RSRP1: variants seen among roughly 807,000 people sequenced by gnomAD.
RSRP1 encodes arginine/serine-rich protein 1.
A neutral mutation model predicts 33.0 loss-of-function variants in RSRP1; 37 were observed. The ratio of observed to expected loss-of-function variants is 1.12; its 90% CI spans 0.86 to 1.48. RSRP1 has a LOEUF of 1.48. Ranked by LOEUF, RSRP1 falls within the 40% of genes most tolerant of loss-of-function variation. RSRP1 has a pLI of 0.00. For synonymous variants in RSRP1, 167 were observed against 158.7 expected, an observed-to-expected ratio of 1.05 and a Z score of -0.40; for missense variants, 402 against 385.3, an observed-to-expected ratio of 1.04 and a Z score of -0.36.
At chr1:25,321,795 A>C in intron 1 of RSRP1, 1 of 657,260 alleles carries the variant, frequency 1.5e-6, no homozygotes, top group Non-Finnish European at 2.8e-6. Flanking sequence ...TTCTGTTGAG[A>C]TACTGTCGTT....
At chr1:25,290,324 C>T (rs1218301066) in intron 1 of RSRP1, among the ~76,000 whole-genome samples, 2 of 122,904 alleles carry the variant, frequency 1.6e-5, no homozygotes, top group East Asian at 4.0e-4. Context: ...AGGGAACAGT[C>T]ACCCCGATCA....
In RSRP1 at chr1:25,277,835, C is replaced by T. The variant is rs1452471346; in HGVS notation, c.-66-30806G>A. ...GATTACAGGCATGCGCCACCACGCC[C>T]GGCTAATTTTGTATTTTTAGTAGAG... is the stretch of plus-strand genomic sequence containing the variant. On this transcript the variant is annotated intron_variant, in intron 1 of 1. Transcript: ENST00000561867. 7.8e-4 allele frequency among the ~76,000 whole-genome samples: 98 copies of T among 126,368 alleles called. 16 individuals carry two copies. Among genetic ancestry groups the T allele is most frequent in the African/African-American group, 1.4e-3 (53 of 37,258 alleles). The allele number at this position is 126,368 out of a possible 152,430, so 82.9% of individuals were successfully genotyped here. A position where few individuals can be genotyped will look rare whatever the true frequency, so the allele number is the denominator to read the frequency against.
chr1:25,244,311 A>G (rs1329671640), intron 3 of RSRP1: 61 of 1,287,654 alleles, frequency 4.7e-5, no homozygotes, highest in Non-Finnish European at 6.1e-5. Flanking sequence ...TAGTTTAAAA[A>G]TTGACTTTAA....
chr1:25,319,119 C>T (rs1187582527), intron 1 of RSRP1, among the ~76,000 whole-genome samples: 1 of 132,310 alleles, frequency 7.6e-6, no homozygotes, highest in Non-Finnish European at 1.8e-5. Context: ...CAACCCTGTC[C>T]TGGGACTCAC....
intron 1 of RSRP1, among the ~76,000 whole-genome samples, chr1:25,312,505 G>A (rs1166900504): frequency 7.7e-6 from 1 of 130,442 alleles, no homozygotes; most frequent in Non-Finnish European, 1.8e-5. Context: ...AGTGATTTGG[G>A]AGGTTGAGGT....
chr1:25,306,615 T>C lies in RSRP1; in HGVS notation c.-67+31363A>G. On this transcript the variant is annotated intron_variant, in intron 1 of 1. Coordinates refer to the RSRP1 transcript ENST00000561867. The stretch of plus-strand genomic sequence containing the variant: ...CCACAGGGGTGTTGTAACCGAGTGC[T>C]GGGGATTCCCCACAGCTCCATCATG... The C allele has an allele frequency of 4.4e-6, 6 of 1,378,432 alleles. 2 individuals are homozygous for C. The highest frequency in any genetic ancestry group is 6.1e-6 in the Non-Finnish European group (6 of 978,768). 85.4% of individuals were successfully genotyped at this position (1,378,432 alleles called of 1,614,324 possible). A position where few individuals can be genotyped will look rare whatever the true frequency, so the allele number is the denominator to read the frequency against.
At chr1:25,244,540 C>G (rs1639185629) in intron 3 of RSRP1, 7 of 1,289,058 alleles carry the variant, frequency 5.4e-6, no homozygotes, top group Non-Finnish European at 7.1e-6. Context: ...ACTGTATATG[C>G]TGAGTACAGA....
chr1:25,308,579 G>C (rs2518078), intron 1 of RSRP1, among the ~76,000 whole-genome samples: 2 of 131,796 alleles, frequency 1.5e-5, no homozygotes, highest in African/African-American at 5.2e-5. Flanking sequence ...AACGCTTCCC[G>C]CATGACTGAG....
At position 25,268,890 on chromosome 1, in the gene RSRP1, G is replaced by T. The variant is rs1640409036; in HGVS notation, c.-66-21861C>A. ...TTGAACCTGGGAGGTGGAGGTTGCA[G>T]TGAGCCGAGATTGTGCCATTGCAGT... On this transcript the variant is annotated intron_variant, in intron 1 of 1. Transcript: ENST00000561867. Among the ~76,000 whole-genome samples the T allele has an allele frequency of 1.6e-5, 2 of 127,164 alleles. 1 individual carries two copies. The highest frequency in any genetic ancestry group is 5.4e-5 in the African/African-American group (2 of 37,260). The allele number at this position is 127,164 out of a possible 152,430, so 83.4% of individuals were successfully genotyped here.
chr1:25,318,226 T>G (rs1644508963), intron 1 of RSRP1: 1 of 128,336 alleles, frequency 7.8e-6, no homozygotes, highest in South Asian at 2.4e-4. Flanking sequence ...GGCAGTAGAA[T>G]TGCTTGAACC....
At chr1:25,300,377 T>A (rs1165521122) in intron 1 of RSRP1, among the ~76,000 whole-genome samples, 1 of 129,964 alleles carries the variant, frequency 7.7e-6, no homozygotes, top group East Asian at 2.0e-4. Context: ...CCAGGCATGG[T>A]TGTACATTCC....
At chr1:25,249,649 G>C (rs1639715028), upstream of RSRP1, among the ~76,000 whole-genome samples, 1 of 152,152 alleles carries the variant, frequency 6.6e-6, no homozygotes. Context: ...GCAAATCCTG[G>C]ATATTAACAG....
intron 1 of RSRP1, among the ~76,000 whole-genome samples, chr1:25,266,298 C>T (rs551582715): frequency 7.7e-6 from 1 of 130,414 alleles, no homozygotes; most frequent in Admixed American, 7.4e-5. Context: ...GCAAAAAACG[C>T]AAAGAGAAAG....
chr1:25,285,871 G>T (rs1314012019), intron 1 of RSRP1, among the ~76,000 whole-genome samples: 2 of 134,748 alleles, frequency 1.5e-5, no homozygotes, highest in African/African-American at 5.2e-5. Flanking sequence ...GGCCATTCCA[G>T]CCTCCCCTTC....
rs754636018 is a variant in RSRP1 at position 25,303,372 on chromosome 1, G to A, written c.-67+34606C>T. The A allele has an allele frequency of 1.5e-5, 20 of 1,376,582 alleles. 6 individuals are homozygous for A. The highest frequency in any genetic ancestry group is 3.7e-4 in the Middle Eastern group (2 of 5,458). The allele number at this position is 1,376,582 out of a possible 1,614,324, so 85.3% of individuals were successfully genotyped here. On this transcript the variant is annotated intron_variant, in intron 1 of 1. Transcript: ENST00000561867. Reference sequence around the variant, plus strand: ...CAGGAGGCGTGGCTGTGGGTACCTCGTGTCACCTGATCCCTTCTCCGTGGC... The same window carrying A: ...CAGGAGGCGTGGCTGTGGGTACCTCATGTCACCTGATCCCTTCTCCGTGGC...
chr1:25,280,318 T>A (rs530795141), intron 1 of RSRP1, among the ~76,000 whole-genome samples: 1,970 of 124,608 alleles, frequency 0.016, 354 homozygotes, highest in African/African-American at 0.052. Flanking sequence ...CTTTTTTTTT[T>A]TTTTTGAGCT....
rs180973630 is a variant in RSRP1, at chr1:25,292,223, T to C, written c.-66-45194A>G. Among the ~76,000 whole-genome samples the C allele has an allele frequency of 4.7e-4, 62 of 132,496 alleles. 12 individuals carry two copies. The highest frequency in any genetic ancestry group is 3.1e-3 in the East Asian group (16 of 5,126). 86.9% of individuals were successfully genotyped at this position (132,496 alleles called of 152,430 possible). ...CTGTGCCTCAGTGTCCCAAAGGACT[T>C]TGGATTTTACTCTGAGAAATACAGG... On this transcript the variant is annotated intron_variant, in intron 1 of 1. Coordinates refer to the RSRP1 transcript ENST00000561867.
Position 25,329,906 on chromosome 1 carries a change from C to G in RSRP1, c.-67+8072G>C, listed in dbSNP as rs1340779739. ...TCTTGGCCTCATGATCAGCCTGCCTCGGCCTCCCAAAGTGCTGGGATTACA... is the reference window on the plus strand; with the variant it reads ...TCTTGGCCTCATGATCAGCCTGCCTGGGCCTCCCAAAGTGCTGGGATTACA... On this transcript the variant is annotated intron_variant, in intron 1 of 1. Transcript: ENST00000561867. 3 of 131,874 alleles carry G rather than the reference C, an allele frequency of 2.3e-5. 1 individual carries two copies. Among genetic ancestry groups the G allele is most frequent in the Non-Finnish European group, 5.4e-5 (3 of 55,768 alleles). 8.2% of individuals were successfully genotyped at this position (131,874 alleles called of 1,614,324 possible). A position where few individuals can be genotyped will look rare whatever the true frequency, so the allele number is the denominator to read the frequency against.
chr1:25,315,163 AT>A (rs1459885737), intron 1 of RSRP1, among the ~76,000 whole-genome samples: 1 of 129,290 alleles, frequency 7.7e-6, no homozygotes, highest in Admixed American at 7.6e-5. Flanking sequence ...TCAAAAAAAA[AT>A]TTTTTTTGCA....
Sources: allele counts gnomAD v4.1 joint callset (sites outside exome capture counted in the v4.1 genomes callset), GRCh38; gene constraint gnomAD v4.1.1; transcripts MANE v1.5; gene names NCBI Gene and HGNC (gene_info 2026-07-23, HGNC 2026-07-21).